The following CFAP97 variants were observed in gnomAD, a reference collection of about 807,000 sequenced individuals.
The protein encoded by CFAP97 is cilia and flagella associated protein 97, also known as cilia- and flagella-associated protein 97.
A neutral mutation model predicts 43.1 loss-of-function variants in CFAP97; 36 were observed. That is an observed-to-expected ratio of 0.84 (90% confidence interval 0.64 to 1.10). CFAP97 has a LOEUF of 1.10. CFAP97 is among the 50% of genes least tolerant of loss of function. The pLI is 0.00. For missense variants in CFAP97, 657 were observed against 620.3 expected (o/e 1.06, Z -0.63); for synonymous variants, 228 against 225.7 (o/e 1.01, Z -0.09).
At chr4:185,172,850 C>CAAAAA (rs1159858914) in intron 3 of CFAP97, among the ~76,000 whole-genome samples, 7 of 52,710 alleles carry the variant, frequency 1.3e-4, no homozygotes, top group East Asian at 5.6e-4. Flanking sequence ...CCCATCTCTA[C>CAAAAA]AAAAAAAAAA....
chr4:185,190,088 T>C, intron 2 of CFAP97, 55 bp downstream of exon 2: 2 of 1,342,780 alleles, frequency 1.5e-6, no homozygotes, highest in South Asian at 3.1e-5. Context: ...CATTTAATAT[T>C]TATGCCCAAT....
intron 2 of CFAP97, among the ~76,000 whole-genome samples, 165 bp from the exon 3 acceptor site, chr4:185,176,216 G>A (rs1371471125): frequency 6.6e-5 from 10 of 150,812 alleles, no homozygotes; most frequent in African/African-American, 2.4e-4. Context: ...GGGTTCAAGC[G>A]ATTCTCCTGC....
chr4:185,188,996 G>A (rs1277321099), intron 2 of CFAP97, among the ~76,000 whole-genome samples: 3 of 152,246 alleles, frequency 2.0e-5, no homozygotes, highest in South Asian at 4.1e-4. Context: ...CCAGCCCTTC[G>A]GGACGCTGAG....
chr4:185,173,362 T>TCA (rs1735385373), intron 3 of CFAP97, among the ~76,000 whole-genome samples: 1 of 127,684 alleles, frequency 7.8e-6, no homozygotes, highest in Non-Finnish European at 1.6e-5. Context: ...CTCCGTCTCT[T>TCA]AAAAAAAAAA....
chr4:185,161,989 C>A lies in CFAP97; in HGVS notation c.*809G>T, dbSNP rs778744578. 1.1e-4 allele frequency: 17 copies of A among 152,210 alleles called. No individual in the cohort carries two copies. The highest frequency in any genetic ancestry group is 5.2e-4 in the Admixed American group (8 of 15,276). The allele number at this position is 152,210 out of a possible 1,614,324, so 9.4% of individuals were successfully genotyped here. On this transcript the variant is annotated 3_prime_UTR_variant, in exon 5 of 5. Coordinates refer to ENST00000458385, the MANE Select transcript of CFAP97 (RefSeq NM_020827.3). ...TGATAGTGCCATTTTACTGATTCAACAAATACTTGGTTTGCAACTGATGTG... is the reference window on the plus strand; with the variant it reads ...TGATAGTGCCATTTTACTGATTCAAAAAATACTTGGTTTGCAACTGATGTG...
chr4:185,168,552 T>G (rs1368268956), intron 3 of CFAP97, among the ~76,000 whole-genome samples: 1 of 151,204 alleles, frequency 6.6e-6, no homozygotes, highest in Non-Finnish European at 1.5e-5. Context: ...GGCAGAGTGC[T>G]GCATCACTGC....
At chr4:185,204,097 A>G (rs190510852), upstream of CFAP97, 3,192 of 151,076 alleles carry the variant, frequency 0.021, 54 homozygotes, top group Middle Eastern at 0.073. Flanking sequence ...CGGGCGTCAC[A>G]GAGCGCGGCG....
At chr4:185,165,011 C>T (rs945711397) in intron 3 of CFAP97, among the ~76,000 whole-genome samples, 2 of 152,232 alleles carry the variant, frequency 1.3e-5, no homozygotes, top group African/African-American at 2.4e-5. Context: ...GGGTCTTCCA[C>T]TGCTAGTTTC....
Position 185,181,408 on chromosome 4 carries a change from C to T in CFAP97, c.1055-5357G>A, listed in dbSNP as rs1389405052. On this transcript the variant is annotated intron_variant, in intron 2 of 4. Coordinates refer to ENST00000458385, the MANE Select transcript of CFAP97 (RefSeq NM_020827.3). Reference sequence around the variant, plus strand: ...TGGCGCGATCTTGGCTCACTGCAATCTCCGCTTCCCAGGTTCAAGCCATTC... The same window carrying T: ...TGGCGCGATCTTGGCTCACTGCAATTTCCGCTTCCCAGGTTCAAGCCATTC... Among the ~76,000 whole-genome samples, 4 of 134,834 alleles carry T rather than the reference C, an allele frequency of 3.0e-5. No individual in the cohort carries two copies. The East Asian group carries it at 9.6e-4, about 32-fold the overall frequency. 88.5% of individuals were successfully genotyped at this position (134,834 alleles called of 152,430 possible).
chr4:185,188,667 A>G (rs544311747), intron 2 of CFAP97, among the ~76,000 whole-genome samples: 3 of 152,002 alleles, frequency 2.0e-5, no homozygotes, highest in South Asian at 2.1e-4. Flanking sequence ...ATATAAGAGT[A>G]AGTCACTGAA....
chr4:185,186,546 AT>A (rs1483266752), intron 2 of CFAP97, among the ~76,000 whole-genome samples: 1 of 152,198 alleles, frequency 6.6e-6, no homozygotes, highest in African/African-American at 2.4e-5. Flanking sequence ...CATATGGCAT[AT>A]TTTCTATACA....
At position 185,176,037 on chromosome 4, in the gene CFAP97, C is replaced by G. The variant is rs770333893; in HGVS notation, c.1069G>C (p.Asp357His). 5.7e-6 allele frequency: 9 copies of G among 1,585,668 alleles called. No individual in the cohort carries two copies. The East Asian group carries it at 2.0e-4, about 36-fold the overall frequency. ...NHLLKAFLQLDKKGPQKHHFD... is the reference protein window; with the variant it reads ...NHLLKAFLQLHKKGPQKHHFD... Reference sequence around the variant, plus strand: ...TGATGTTTTTGTGGTCCTTTTTTATCTAATTGCAGAAAAGCTACAGAAAAG... The same window carrying G: ...TGATGTTTTTGTGGTCCTTTTTTATGTAATTGCAGAAAAGCTACAGAAAAG... Residue 357 changes from aspartate (D) to histidine (H), a missense_variant, in exon 3 of 5, where the codon GAT (aspartate) becomes CAT (histidine). By Grantham distance (81) the Asp-to-His change is moderately conservative (BLOSUM62 -1). Transcript: ENST00000458385.
intron 3 of CFAP97, among the ~76,000 whole-genome samples, chr4:185,165,185 C>CT (rs1735019205): frequency 6.6e-6 from 1 of 152,224 alleles, no homozygotes; most frequent in East Asian, 1.9e-4. Flanking sequence ...CAGTGGCTCA[C>CT]ACCTGTAGTC....
intron 1 of CFAP97, among the ~76,000 whole-genome samples, chr4:185,192,027 T>C (rs1173664124): frequency 6.6e-6 from 1 of 152,204 alleles, no homozygotes; most frequent in African/African-American, 2.4e-5. Flanking sequence ...ACAATTCTAG[T>C]GGAAGTCATG....
At chr4:185,175,695 A>C (rs1026335976) in intron 3 of CFAP97, 91 bp downstream of exon 3, 8 of 1,201,892 alleles carry the variant, frequency 6.7e-6, no homozygotes, top group Admixed American at 2.1e-5. Context: ...TGAAGTTTGA[A>C]TATTTGGCTG....
rs760026667 is a variant in CFAP97 at position 185,192,733 on chromosome 4, C to CTTTTTTTTTTTTTTTTT, written c.-16-1538_-16-1522dup. ...CCTTCTTAAGATCAGAATTGACCTT[C>CTTTTTTTTTTTTTTTTT]TTTTTTTTTTTTTTTTTTTTTTTTT... On this transcript the variant is annotated intron_variant, in intron 1 of 4. Transcript: ENST00000458385. Among the ~76,000 whole-genome samples the CTTTTTTTTTTTTTTTTT allele has an allele frequency of 8.6e-5, 7 of 81,420 alleles. 1 individual carries two copies. Among genetic ancestry groups the CTTTTTTTTTTTTTTTTT allele is most frequent in the African/African-American group, 3.8e-4 (7 of 18,354 alleles). The allele number at this position is 81,420 out of a possible 152,430, so 53.4% of individuals were successfully genotyped here.
intron 3 of CFAP97, among the ~76,000 whole-genome samples, chr4:185,170,581 T>C: frequency 6.6e-6 from 1 of 151,384 alleles, no homozygotes; most frequent in Non-Finnish European, 1.5e-5. Flanking sequence ...ACCTGGCTAA[T>C]TTTTTGTATT....
At chr4:185,168,652 T>A (rs1327354835) in intron 3 of CFAP97, among the ~76,000 whole-genome samples, 1 of 148,888 alleles carries the variant, frequency 6.7e-6, no homozygotes, top group Non-Finnish European at 1.5e-5. Context: ...CCCAGCACTT[T>A]GGGAGGCTGA....
chr4:185,173,278 G>A (rs1274921913), intron 3 of CFAP97, among the ~76,000 whole-genome samples: 2 of 150,582 alleles, frequency 1.3e-5, no homozygotes, highest in Admixed American at 6.7e-5. Flanking sequence ...CAGGAGAATC[G>A]CTTGAACCTG....
Sources: gnomAD v4.1 joint callset for allele counts (sites outside exome capture counted in the v4.1 genomes callset) on GRCh38, gnomAD v4.1.1 for gene constraint, MANE v1.5 for transcripts, NCBI Gene and HGNC (gene_info 2026-07-23, HGNC 2026-07-21) for gene names.